Variants in PAPOLG observed in about 807,000 individuals in gnomAD.
PAPOLG encodes poly(A) polymerase gamma.
A neutral mutation model predicts 99.0 loss-of-function variants in PAPOLG; 40 were observed. That is an observed-to-expected ratio of 0.40 (90% CI 0.31 to 0.53). The LOEUF (loss-of-function observed/expected upper bound fraction) is 0.53, where lower values mean the gene tolerates loss of function less well. Ranked by LOEUF, PAPOLG falls within the 20% of genes least tolerant of loss-of-function variation. The probability of loss-of-function intolerance (pLI) is 0.41; values close to 1 mark genes in which losing one functional copy is unlikely to be tolerated. For missense variants in PAPOLG, 675 were observed against 884.1 expected, an observed-to-expected ratio of 0.76 and a Z score of 3.00; for synonymous variants, 310 against 299.3, an observed-to-expected ratio of 1.04 and a Z score of -0.37.
intron 13 of PAPOLG, among the ~76,000 whole-genome samples, chr2:60,783,499 C>G (rs955275823): frequency 1.2e-5 from 1 of 84,798 alleles, no homozygotes; most frequent in Non-Finnish European, 2.6e-5. Flanking sequence ...CTTTACCCGG[C>G]CTTTTTTTTT....
rs1489877901 is a variant in PAPOLG, at chr2:60,770,620, C to A, written c.492+109C>A. 7.0e-5 allele frequency: 46 copies of A among 658,952 alleles called. No homozygotes were observed. The East Asian group carries it at 1.5e-3, about 21-fold the overall frequency. 40.8% of individuals were successfully genotyped at this position (658,952 alleles called of 1,614,324 possible). ...TGCATATTTTAAAAAATCAAGTAAT[C>A]TCTTTTTTTTTTTTTAATGAAGAGA... On this transcript the variant is annotated intron_variant, in intron 6 of 21. Coordinates refer to ENST00000238714, the MANE Select transcript of PAPOLG (RefSeq NM_022894.4).
intron 21 of PAPOLG, among the ~76,000 whole-genome samples, chr2:60,796,321 G>A (rs1469105021): frequency 6.9e-6 from 1 of 144,050 alleles, no homozygotes; most frequent in Non-Finnish European, 1.5e-5. Context: ...TGTATTTGTA[G>A]TGGAAAAGGG....
At chr2:60,793,598 T>C (rs1411126445) in intron 17 of PAPOLG, 29 bp from the exon 18 acceptor site, 52 of 1,608,438 alleles carry the variant, frequency 3.2e-5, no homozygotes, top group Non-Finnish European at 4.1e-5. Flanking sequence ...TTAAATCATT[T>C]ATTGATGATA....
intron 15 of PAPOLG, among the ~76,000 whole-genome samples, chr2:60,787,878 C>T (rs1223560973): frequency 1.3e-5 from 2 of 151,922 alleles, no homozygotes; most frequent in African/African-American, 4.8e-5. Flanking sequence ...ACGGTGAAAC[C>T]CCGTCTCTAC....
At chr2:60,788,360 C>T (rs1057080704) in intron 15 of PAPOLG, among the ~76,000 whole-genome samples, 5 of 152,132 alleles carry the variant, frequency 3.3e-5, no homozygotes, top group African/African-American at 1.2e-4. Context: ...CTCACTCTGT[C>T]ACCCAGGCCG....
intron 13 of PAPOLG, 132 bp from the exon 14 acceptor site, chr2:60,786,815 C>T: frequency 1.9e-6 from 2 of 1,045,528 alleles, no homozygotes; most frequent in East Asian, 2.9e-5. Context: ...CAGATGTGAG[C>T]CACCATGCCC....
chr2:60,776,210 A>C (rs1671012948), intron 8 of PAPOLG, among the ~76,000 whole-genome samples: 1 of 152,144 alleles, frequency 6.6e-6, no homozygotes, highest in South Asian at 2.1e-4. Context: ...GTGCATTGTC[A>C]AAAGAGCAGT....
rs751142491 is a variant in PAPOLG, at chr2:60,779,762, G to A, written c.820G>A (p.Val274Ile). Residue 274 changes from valine to isoleucine, a missense_variant, in exon 9 of 22, where the codon GTT (valine) becomes ATT (isoleucine). Around this residue, in one of 3 missense-constraint regions of PAPOLG, gnomAD observed 113 missense variants for 231.5 expected, o/e 0.49. Coordinates refer to ENST00000238714, the MANE Select transcript of PAPOLG (RefSeq NM_022894.4). Reference protein sequence around the residue: ...ASTLVHKFFLVFSKWEWPNPV... With the variant: ...ASTLVHKFFLIFSKWEWPNPV... ...TACTTTAGTTCATAAGTTCTTTTTAGTTTTTTCCAAGTGGTAAGTATTTAC... is the reference window on the plus strand; with the variant it reads ...TACTTTAGTTCATAAGTTCTTTTTAATTTTTTCCAAGTGGTAAGTATTTAC... 11 of 1,613,396 alleles carry A rather than the reference G, an allele frequency of 6.8e-6. No homozygotes were observed. Among genetic ancestry groups the A allele is most frequent in the Non-Finnish European group, 8.5e-6 (10 of 1,179,534 alleles).
At chr2:60,769,305 T>C (rs1351705809) in intron 5 of PAPOLG, among the ~76,000 whole-genome samples, 1 of 152,122 alleles carries the variant, frequency 6.6e-6, no homozygotes, top group Non-Finnish European at 1.5e-5. Flanking sequence ...AGTAACTCTT[T>C]ATATGTGTAT....
intron 13 of PAPOLG, among the ~76,000 whole-genome samples, chr2:60,783,500 CTTTTTTTT>C (rs761205449): frequency 3.3e-4 from 15 of 45,360 alleles, no homozygotes; most frequent in South Asian, 7.1e-4. Flanking sequence ...TTTACCCGGC[CTTTTTTTT>C]TTTTTTTTTT....
chr2:60,771,137 CCTTTAACATCAAA>C (rs1670840820), intron 6 of PAPOLG, among the ~76,000 whole-genome samples: 2 of 151,900 alleles, frequency 1.3e-5, no homozygotes, highest in Non-Finnish European at 2.9e-5. Context: ...GTGAATTTTG[CCTTTAACATCAAA>C]ATAATACTAA....
At chr2:60,781,441 C>A (rs1671186640) in intron 10 of PAPOLG, among the ~76,000 whole-genome samples, 1 of 152,154 alleles carries the variant, frequency 6.6e-6, no homozygotes, top group Non-Finnish European at 1.5e-5. Flanking sequence ...AAAGCAAATT[C>A]ATTGTTCCAG....
intron 9 of PAPOLG, 178 bp from the exon 10 acceptor site, chr2:60,780,529 G>A (rs1450307218): frequency 5.6e-6 from 1 of 179,346 alleles, no homozygotes. Context: ...GCCTGCCTCA[G>A]CTTCCCAGAG....
chr2:60,761,481 A>G (rs977523305), intron 2 of PAPOLG, among the ~76,000 whole-genome samples: 2 of 152,152 alleles, frequency 1.3e-5, no homozygotes, highest in Non-Finnish European at 2.9e-5. Flanking sequence ...CAATTTTATG[A>G]TTTTTATTAG....
At chr2:60,792,004 C>G (rs1377523332) in intron 16 of PAPOLG, 122 bp downstream of exon 16, 4 of 1,455,454 alleles carry the variant, frequency 2.7e-6, no homozygotes, top group African/African-American at 1.4e-5. Context: ...GCAGTTCAAT[C>G]TAGGACTAAA....
At chr2:60,784,789 A>T (rs1671307349) in intron 13 of PAPOLG, among the ~76,000 whole-genome samples, 1 of 152,204 alleles carries the variant, frequency 6.6e-6, no homozygotes, top group Non-Finnish European at 1.5e-5. Context: ...TGTGCTTCAT[A>T]GCAAAGTTGA....
chr2:60,763,878 A>G (rs1171788337), intron 3 of PAPOLG, among the ~76,000 whole-genome samples: 1 of 151,528 alleles, frequency 6.6e-6, no homozygotes, highest in Non-Finnish European at 1.5e-5. Context: ...ATCTTGACTC[A>G]CTGCAACCTC....
chr2:60,762,544 C>G (rs1004608300), intron 3 of PAPOLG, among the ~76,000 whole-genome samples: 1 of 151,922 alleles, frequency 6.6e-6, no homozygotes, highest in Non-Finnish European at 1.5e-5. Context: ...TCAGTCATTT[C>G]TAGATTACTT....
In PAPOLG at chr2:60,770,600, A is replaced by G. The variant is rs1670821833; in HGVS notation, c.492+89A>G. 7 of 790,858 alleles carry G rather than the reference A, an allele frequency of 8.9e-6. No individual in the cohort carries two copies. The East Asian group carries it at 2.1e-4, about 23-fold the overall frequency. 49.0% of individuals were successfully genotyped at this position (790,858 alleles called of 1,614,324 possible). ...GAAATCAGGCTTAACATAAATGCAT[A>G]TTTTAAAAAATCAAGTAATCTCTTT... On this transcript the variant is annotated intron_variant, in intron 6 of 21. Coordinates refer to ENST00000238714, the MANE Select transcript of PAPOLG (RefSeq NM_022894.4).
Sources: allele counts gnomAD v4.1 joint callset (sites outside exome capture counted in the v4.1 genomes callset), GRCh38; gene constraint gnomAD v4.1.1; regional missense constraint gnomAD v4.1.1; transcripts MANE v1.5; gene names NCBI Gene and HGNC (gene_info 2026-07-23, HGNC 2026-07-21).